Variants in RPS6KC1 observed in about 807,000 individuals in gnomAD.
RPS6KC1 encodes inactive ribosomal protein S6 kinase delta-1.
In RPS6KC1, 54 loss-of-function variants were observed where a neutral mutation model predicts 103.8. The ratio of observed to expected loss-of-function variants is 0.52; its 90% CI spans 0.42 to 0.65. The LOEUF is 0.65. Ranked by LOEUF, RPS6KC1 falls within the 30% of genes least tolerant of loss-of-function variation. The pLI is 0.00. For synonymous variants in RPS6KC1, 439 were observed against 438.7 expected (o/e 1.00, Z -0.01); for missense variants, 1,151 against 1,253.8 (o/e 0.92, Z 1.24).
At chr1:213,089,116 A>G (rs6691488) in intron 3 of RPS6KC1, among the ~76,000 whole-genome samples, 111,187 of 152,110 alleles carry the variant, frequency 0.73, 41,470 homozygotes, top group African/African-American at 0.88. Context: ...AAAAAGAAAA[A>G]CATTTTTATT....
chr1:213,711,991 T>C, the RPS6KC1 span, among the ~76,000 whole-genome samples: 8 of 152,018 alleles, frequency 5.3e-5, no homozygotes, highest in African/African-American at 1.7e-4. Flanking sequence ...GGCACAGGGG[T>C]CAGGGACCCA....
chr1:213,424,302 A>G, the RPS6KC1 span, among the ~76,000 whole-genome samples: 10 of 152,382 alleles, frequency 6.6e-5, no homozygotes, highest in African/African-American at 9.6e-5. Flanking sequence ...TTCTTTCCAA[A>G]GGTGGCTGTT....
chr1:213,860,835 G>T, the RPS6KC1 span, among the ~76,000 whole-genome samples: 7 of 151,534 alleles, frequency 4.6e-5, no homozygotes, highest in African/African-American at 1.7e-4. Context: ...TTGACACAGG[G>T]TCTCACTCTG....
At chr1:213,379,733 T>C in the RPS6KC1 span, among the ~76,000 whole-genome samples, 1 of 152,196 alleles carries the variant, frequency 6.6e-6, no homozygotes, top group Non-Finnish European at 1.5e-5. Context: ...CTGGAGCAGC[T>C]GCTTGGAGGG....
intron 8 of RPS6KC1, among the ~76,000 whole-genome samples, chr1:213,229,923 T>A (rs1363441500): frequency 6.6e-6 from 1 of 152,204 alleles, no homozygotes; most frequent in African/African-American, 2.4e-5. Context: ...AGTTGATCTT[T>A]GCTTGAATCA....
intron 4 of RPS6KC1, among the ~76,000 whole-genome samples, chr1:213,115,949 T>G (rs1370192302): frequency 6.6e-6 from 1 of 152,332 alleles, no homozygotes; most frequent in Non-Finnish European, 1.5e-5. Context: ...CTTTTACATT[T>G]GCTGAGGAGA....
the RPS6KC1 span, among the ~76,000 whole-genome samples, chr1:213,761,822 G>T: frequency 6.6e-6 from 1 of 152,212 alleles, no homozygotes; most frequent in Non-Finnish European, 1.5e-5. Flanking sequence ...TGGGTGAAAA[G>T]GTGTCTCAGA....
chr1:213,840,815 T>C, the RPS6KC1 span: 1 of 152,136 alleles, frequency 6.6e-6, no homozygotes, highest in Non-Finnish European at 1.5e-5. Flanking sequence ...CAAGTTGGAA[T>C]GTACAAACTT....
intron 6 of RPS6KC1, among the ~76,000 whole-genome samples, chr1:213,155,394 C>A (rs1383539223): frequency 1.3e-5 from 2 of 152,158 alleles, no homozygotes; most frequent in Non-Finnish European, 2.9e-5. Context: ...GTGCTGTAGC[C>A]CTTGTTGGCG....
the RPS6KC1 span, among the ~76,000 whole-genome samples, chr1:213,376,537 A>G: frequency 6.6e-6 from 1 of 151,714 alleles, no homozygotes; most frequent in African/African-American, 2.4e-5. Flanking sequence ...AAAAAAAAAG[A>G]TATGGTCCCA....
At chr1:213,386,070 A>G in the RPS6KC1 span, among the ~76,000 whole-genome samples, 1 of 152,090 alleles carries the variant, frequency 6.6e-6, no homozygotes, top group Non-Finnish European at 1.5e-5. Context: ...ATGGGGGCGG[A>G]TTCCTCATGA....
the RPS6KC1 span, among the ~76,000 whole-genome samples, chr1:213,773,100 C>T: frequency 6.6e-6 from 1 of 152,130 alleles, no homozygotes. Flanking sequence ...GGATTGTTCT[C>T]AAGCAGATAA....
At chr1:213,436,837 T>C in the RPS6KC1 span, among the ~76,000 whole-genome samples, 1 of 152,152 alleles carries the variant, frequency 6.6e-6, no homozygotes, top group South Asian at 2.1e-4. Flanking sequence ...AGAAATGCAA[T>C]CCATTTTGTA....
At chr1:213,712,744 C>G in the RPS6KC1 span, among the ~76,000 whole-genome samples, 9 of 152,208 alleles carry the variant, frequency 5.9e-5, no homozygotes, top group Non-Finnish European at 1.3e-4. Context: ...GGATCCCTCA[C>G]AGCTTCCCTG....
At chr1:213,244,715 T>C (rs9308430) in intron 12 of RPS6KC1, among the ~76,000 whole-genome samples, 40,989 of 151,996 alleles carry the variant, frequency 0.27, 6,371 homozygotes, top group East Asian at 0.4. Context: ...TACAGATCGG[T>C]TTCTAAGTTC....
In RPS6KC1 at chr1:213,257,879, C is replaced by T. The variant is rs371788810; in HGVS notation, c.2912-3679C>T. 3.6e-4 allele frequency among the ~76,000 whole-genome samples: 47 copies of T among 131,286 alleles called. No homozygotes were observed. In the South Asian group the frequency reaches 0.012, roughly 33 times the overall value. The allele number at this position is 131,286 out of a possible 152,430, so 86.1% of individuals were successfully genotyped here. A position where few individuals can be genotyped will look rare whatever the true frequency, so the allele number is the denominator to read the frequency against. ...AGTCCAGTGGTGTGATCTTGGCTCACTGCAACCCTTGCTTCCTAAGTTCAA... is the reference window on the plus strand; with the variant it reads ...AGTCCAGTGGTGTGATCTTGGCTCATTGCAACCCTTGCTTCCTAAGTTCAA... On this transcript the variant is annotated intron_variant, in intron 12 of 14. Coordinates refer to ENST00000366960, the MANE Select transcript of RPS6KC1 (RefSeq NM_012424.6).
At chr1:213,714,964 G>C in the RPS6KC1 span, among the ~76,000 whole-genome samples, 1 of 152,148 alleles carries the variant, frequency 6.6e-6, no homozygotes, top group African/African-American at 2.4e-5. Context: ...AGGGCAAGAG[G>C]GTGCATAGAG....
intron 3 of RPS6KC1, among the ~76,000 whole-genome samples, chr1:213,085,640 T>C (rs1290060661): frequency 6.6e-6 from 1 of 152,184 alleles, no homozygotes; most frequent in Non-Finnish European, 1.5e-5. Context: ...CCTTTGCTGT[T>C]ACCCTTCCTT....
chr1:213,205,254 A>T (rs2093304366), intron 8 of RPS6KC1: 4 of 984,944 alleles, frequency 4.1e-6, no homozygotes, highest in Non-Finnish European at 4.8e-6. Context: ...AGCCATGGTG[A>T]GACACTTGAG....
Sources: allele counts gnomAD v4.1 joint callset (sites outside exome capture counted in the v4.1 genomes callset), GRCh38; gene constraint gnomAD v4.1.1; transcripts MANE v1.5; gene names NCBI Gene and HGNC (gene_info 2026-07-23, HGNC 2026-07-21).